PLD5: variants seen among roughly 807,000 people sequenced by gnomAD.
PLD5 encodes inactive phospholipase D5.
A neutral mutation model predicts 61.1 loss-of-function variants in PLD5; 36 were observed. The observed-to-expected ratio is 0.59, with a 90% CI of 0.45 to 0.78. The LOEUF (loss-of-function observed/expected upper bound fraction) is 0.78. PLD5 is among the 30% of genes least tolerant of loss of function. The pLI is 0.00. For synonymous variants in PLD5, 243 were observed against 242.8 expected, an observed-to-expected ratio of 1.00 and a Z score of -0.01; for missense variants, 515 against 644.4, an observed-to-expected ratio of 0.80 and a Z score of 2.17.
At chr1:242,197,558 T>G (rs1343486356) in intron 5 of PLD5, among the ~76,000 whole-genome samples, 1 of 152,102 alleles carries the variant, frequency 6.6e-6, no homozygotes, top group East Asian at 1.9e-4. Flanking sequence ...CCATGAATCC[T>G]TCCAGCTTCA....
chr1:242,371,933 GGT>G (rs1197799226), intron 1 of PLD5, among the ~76,000 whole-genome samples: 3 of 151,926 alleles, frequency 2.0e-5, no homozygotes, highest in African/African-American at 7.3e-5. Flanking sequence ...TTGCTACATA[GGT>G]ATATATGTGT....
At chr1:242,159,417 C>T (rs978017665) in intron 5 of PLD5, among the ~76,000 whole-genome samples, 1 of 152,138 alleles carries the variant, frequency 6.6e-6, no homozygotes, top group East Asian at 1.9e-4. Context: ...CTTTGCACTG[C>T]ACCTCAATGG....
intron 1 of PLD5, among the ~76,000 whole-genome samples, chr1:242,472,435 A>T (rs76739301): frequency 0.059 from 8,973 of 152,266 alleles, 320 homozygotes; most frequent in African/African-American, 0.064. Context: ...TGCAGATGAA[A>T]CCTAGAATGA....
Position 242,135,578 on chromosome 1 carries a change from A to ATTT in PLD5, c.736-10914_736-10913insAAA, listed in dbSNP as rs1558259004. ...CATTGGATGCTAGGAAAACAAATGC[A>ATTT]GAGAGGCCTCATAGGATTATTGATG... On this transcript the variant is annotated intron_variant, in intron 5 of 9. Transcript: ENST00000536534. Among the ~76,000 whole-genome samples the ATTT allele has an allele frequency of 2.0e-5, 3 of 152,340 alleles. No individual in the cohort carries two copies. In the South Asian group the frequency reaches 6.2e-4, roughly 32 times the overall value.
chr1:242,403,782 C>T (rs1664075076), intron 1 of PLD5, among the ~76,000 whole-genome samples: 1 of 152,110 alleles, frequency 6.6e-6, no homozygotes, highest in Non-Finnish European at 1.5e-5. Flanking sequence ...TGTGAATGAG[C>T]CCCATCTGGT....
chr1:242,145,425 A>G (rs1445339225), intron 5 of PLD5, among the ~76,000 whole-genome samples: 1 of 152,112 alleles, frequency 6.6e-6, no homozygotes, highest in African/African-American at 2.4e-5. Context: ...AGTACCTAGT[A>G]TGTCGTGGAT....
intron 1 of PLD5, among the ~76,000 whole-genome samples, chr1:242,484,006 A>G (rs1017511460): frequency 2.0e-5 from 3 of 152,120 alleles, no homozygotes; most frequent in Non-Finnish European, 4.4e-5. Context: ...GTTCTTTGAA[A>G]CCAATGAGAA....
intron 2 of PLD5, among the ~76,000 whole-genome samples, chr1:242,347,108 G>C (rs1660184398): frequency 6.6e-6 from 1 of 152,108 alleles, no homozygotes; most frequent in Non-Finnish European, 1.5e-5. Context: ...CTGTTGCCTG[G>C]TAACTAGACT....
intron 1 of PLD5, among the ~76,000 whole-genome samples, chr1:242,514,236 CTTG>C (rs1388267656): frequency 1.3e-5 from 2 of 152,174 alleles, no homozygotes; most frequent in African/African-American, 4.8e-5. Flanking sequence ...CCCAGATATA[CTTG>C]TTAAGTCACT....
At chr1:242,224,015 G>A (rs946589438) in intron 4 of PLD5, among the ~76,000 whole-genome samples, 8 of 152,070 alleles carry the variant, frequency 5.3e-5, no homozygotes, top group Non-Finnish European at 8.8e-5. Flanking sequence ...TATGTAATAC[G>A]TATTAGGAAG....
chr1:242,164,169 A>G (rs940422206), intron 5 of PLD5, among the ~76,000 whole-genome samples: 6 of 147,240 alleles, frequency 4.1e-5, no homozygotes, highest in African/African-American at 1.5e-4. Flanking sequence ...TGAATGCAGA[A>G]AAAAAAAAAA....
chr1:242,438,679 G>A lies in PLD5; in HGVS notation c.189+85409C>T, dbSNP rs373248303. 2.6e-5 allele frequency among the ~76,000 whole-genome samples: 4 copies of A among 151,930 alleles called. No individual in the cohort carries two copies. In the South Asian group the frequency reaches 8.3e-4, roughly 32 times the overall value. ...AGGTTGGTCTCGAACTCCTGACCTCGTCCCTCCCAAAGTGTTGGGATTACA... is the reference window on the plus strand; with the variant it reads ...AGGTTGGTCTCGAACTCCTGACCTCATCCCTCCCAAAGTGTTGGGATTACA... On this transcript the variant is annotated intron_variant, in intron 1 of 9. Transcript: ENST00000536534.
chr1:242,377,477 A>G, intron 1 of PLD5: 2 of 688,762 alleles, frequency 2.9e-6, no homozygotes, highest in Non-Finnish European at 5.1e-6. Flanking sequence ...TAATTCTTTA[A>G]TAGTAAACAC....
At chr1:242,158,096 G>A (rs143196441) in intron 5 of PLD5, among the ~76,000 whole-genome samples, 4 of 152,316 alleles carry the variant, frequency 2.6e-5, no homozygotes, top group African/African-American at 7.2e-5. Flanking sequence ...AGCTTTGTTT[G>A]TTTACACCAT....
chr1:242,268,925 C>T (rs1415982164), intron 3 of PLD5, among the ~76,000 whole-genome samples: 1 of 152,080 alleles, frequency 6.6e-6, no homozygotes, highest in Non-Finnish European at 1.5e-5. Context: ...TCACTGCAAC[C>T]TCTGCCTCCT....
intron 5 of PLD5, among the ~76,000 whole-genome samples, chr1:242,129,549 AAAT>A (rs1361925860): frequency 1.3e-5 from 2 of 152,242 alleles, no homozygotes; most frequent in Non-Finnish European, 2.9e-5. Context: ...GCAATGGGAA[AAAT>A]AATATAGAGA....
intron 2 of PLD5, among the ~76,000 whole-genome samples, chr1:242,304,082 C>A (rs930718392): frequency 1.3e-5 from 2 of 152,092 alleles, no homozygotes; most frequent in Non-Finnish European, 1.5e-5. Context: ...CTCAATAAGA[C>A]TCCTCAAAAC....
intron 5 of PLD5, among the ~76,000 whole-genome samples, chr1:242,151,662 A>G (rs1384510902): frequency 6.6e-6 from 1 of 151,950 alleles, no homozygotes; most frequent in African/African-American, 2.4e-5. Context: ...CTAATGCTTG[A>G]TGGTTTCTGA....
rs530971231 is a variant in PLD5, at chr1:242,217,594, C to T, written c.735+2394G>A. 6.6e-5 allele frequency among the ~76,000 whole-genome samples: 10 copies of T among 152,160 alleles called. No homozygotes were observed. The South Asian group carries it at 8.3e-4, about 13-fold the overall frequency. ...AGCTGCCACTGCACTCTAGCCTGGG[C>T]GACAAGAGCAGAACTCCAAAACTCC... is the stretch of plus-strand genomic sequence containing the variant. On this transcript the variant is annotated intron_variant, in intron 5 of 9. Coordinates refer to ENST00000536534, the MANE Select transcript of PLD5 (RefSeq NM_001372062.1).
Sources: allele counts gnomAD v4.1 joint callset (sites outside exome capture counted in the v4.1 genomes callset), GRCh38; gene constraint gnomAD v4.1.1; transcripts MANE v1.5; gene names NCBI Gene and HGNC (gene_info 2026-07-23, HGNC 2026-07-21).